TMEM74: variants seen among roughly 807,000 people sequenced by gnomAD.
The protein encoded by TMEM74 is transmembrane protein 74.
Under a neutral mutation model 18.1 loss-of-function variants are expected in TMEM74, and 13 were observed. The ratio of observed to expected loss-of-function variants is 0.72; its 90% confidence interval spans 0.47 to 1.14. The LOEUF (loss-of-function observed/expected upper bound fraction) is 1.14, where lower values mean the gene tolerates loss of function less well. TMEM74 is among the 50% of genes most tolerant of loss of function. TMEM74 has a pLI of 0.00. For missense variants in TMEM74, 372 were observed against 375.9 expected, an observed-to-expected ratio of 0.99 and a Z score of 0.09; for synonymous variants, 159 against 146.6, an observed-to-expected ratio of 1.08 and a Z score of -0.61.
At chr8:108,645,771 A>G (rs1017664435) in intron 2 of TMEM74, among the ~76,000 whole-genome samples, 1 of 152,126 alleles carries the variant, frequency 6.6e-6, no homozygotes, top group East Asian at 1.9e-4. Context: ...ACATTCAGAC[A>G]TTCTAAGAGA....
At chr8:108,636,517 T>C (rs1812607748) in intron 2 of TMEM74, among the ~76,000 whole-genome samples, 1 of 152,090 alleles carries the variant, frequency 6.6e-6, no homozygotes. Context: ...TCAGCTTTAA[T>C]TCAACTCTCC....
In TMEM74 at chr8:108,677,862, A is replaced by G. The variant is rs560492687; in HGVS notation, n.120-22425T>C. 5.9e-5 allele frequency among the ~76,000 whole-genome samples: 9 copies of G among 152,282 alleles called. No homozygotes were observed. In the South Asian group the frequency reaches 1.9e-3, roughly 32 times the overall value. Reference sequence around the variant, plus strand: ...CTAGGTCCTTTTAAATAAGACTTGCATATAAGGAAACATTCTTGTAGATGA... The same window carrying G: ...CTAGGTCCTTTTAAATAAGACTTGCGTATAAGGAAACATTCTTGTAGATGA... On this transcript the variant is annotated intron_variant and non_coding_transcript_variant, in intron 1 of 3. Coordinates refer to the TMEM74 transcript ENST00000518838.
intron 2 of TMEM74, among the ~76,000 whole-genome samples, chr8:108,613,273 T>A (rs1352903653): frequency 6.6e-6 from 1 of 152,178 alleles, no homozygotes; most frequent in Admixed American, 6.5e-5. Flanking sequence ...TGCTACTGAC[T>A]TGGACCATAT....
At position 108,784,735 on chromosome 8, in the gene TMEM74, G is replaced by T. The variant is rs1171215688; in HGVS notation, c.364C>A (p.Gln122Lys). The change falls in exon 2 of 2, where the codon CAG becomes AAG. Residue 122 changes from glutamine to lysine, a missense_variant. Gln to Lys is a moderately conservative substitution (Grantham distance 53, BLOSUM62 1). Transcript: ENST00000297459. ...GCTGATGGCGAGCTCCGGTTCCGCT[G>T]CTCCAAGTTGATGTTTTTGTCCACA... ...TYVDKNINLE[Q>K]RNRSSPSAKG... 6.2e-7 allele frequency: 1 copy of T among 1,614,190 alleles called. No homozygotes were observed. Among genetic ancestry groups the T allele is most frequent in the Non-Finnish European group, 8.5e-7 (1 of 1,180,032 alleles).
chr8:108,717,701 T>C (rs1472917422), intron 1 of TMEM74, among the ~76,000 whole-genome samples: 4 of 151,850 alleles, frequency 2.6e-5, no homozygotes, highest in East Asian at 3.9e-4. Flanking sequence ...AATGGTCATG[T>C]GGGGATTTGG....
At chr8:108,732,899 A>C (rs1272758952) in intron 1 of TMEM74, among the ~76,000 whole-genome samples, 1 of 152,024 alleles carries the variant, frequency 6.6e-6, no homozygotes, top group African/African-American at 2.4e-5. Context: ...ATACTTCACA[A>C]AATATGATAT....
chr8:108,693,433 T>G (rs1813250081), intron 1 of TMEM74, among the ~76,000 whole-genome samples: 1 of 152,178 alleles, frequency 6.6e-6, no homozygotes, highest in South Asian at 2.1e-4. Flanking sequence ...CAAGGATAAT[T>G]GGAGGCAAGA....
At chr8:108,629,586 A>G (rs544785780) in intron 2 of TMEM74, among the ~76,000 whole-genome samples, 1 of 152,232 alleles carries the variant, frequency 6.6e-6, no homozygotes, top group South Asian at 2.1e-4. Flanking sequence ...GCCAGCGAGA[A>G]AGGTCAGGTT....
chr8:108,712,722 CGT>C (rs148041256), intron 1 of TMEM74, among the ~76,000 whole-genome samples: 5 of 151,202 alleles, frequency 3.3e-5, no homozygotes, highest in South Asian at 2.1e-4. Context: ...TATGTGTGTG[CGT>C]GTGTGTGTGT....
At chr8:108,690,746 G>A (rs545223713) in intron 1 of TMEM74, among the ~76,000 whole-genome samples, 4 of 152,168 alleles carry the variant, frequency 2.6e-5, no homozygotes, top group South Asian at 2.1e-4. Flanking sequence ...GGCTGAACCC[G>A]GGAGGCGGAG....
chr8:108,639,761 G>GAT (rs1812644508), intron 2 of TMEM74, among the ~76,000 whole-genome samples: 2 of 152,008 alleles, frequency 1.3e-5, no homozygotes, highest in Admixed American at 6.6e-5. Context: ...GACTCATTTT[G>GAT]GTCCCTACGT....
chr8:108,732,134 T>A (rs1253484071), intron 1 of TMEM74, among the ~76,000 whole-genome samples: 1 of 152,080 alleles, frequency 6.6e-6, no homozygotes, highest in African/African-American at 2.4e-5. Context: ...AGTTGGAAAT[T>A]AAAAGTTTAA....
At chr8:108,660,736 A>G (rs749227303) in intron 1 of TMEM74, among the ~76,000 whole-genome samples, 2 of 152,086 alleles carry the variant, frequency 1.3e-5, no homozygotes, top group African/African-American at 2.4e-5. Context: ...TTTTTGTTAT[A>G]CTTCATTGTG....
chr8:108,787,250 G>T (rs372725919), intron 1 of TMEM74, among the ~76,000 whole-genome samples: 4 of 152,152 alleles, frequency 2.6e-5, no homozygotes, highest in Non-Finnish European at 4.4e-5. Flanking sequence ...CCGGGAGAGC[G>T]AGCCCCAAGC....
At chr8:108,693,585 C>T (rs535750959) in intron 1 of TMEM74, among the ~76,000 whole-genome samples, 1 of 152,334 alleles carries the variant, frequency 6.6e-6, no homozygotes, top group Admixed American at 6.5e-5. Flanking sequence ...AGAAATTCTA[C>T]TGACATCTAA....
At chr8:108,680,274 A>G (rs1172332765) in intron 1 of TMEM74, among the ~76,000 whole-genome samples, 2 of 152,218 alleles carry the variant, frequency 1.3e-5, no homozygotes, top group Non-Finnish European at 2.9e-5. Context: ...TCAATAAAAT[A>G]CTGGCAAACC....
At chr8:108,719,968 A>C (rs922088227) in intron 1 of TMEM74, among the ~76,000 whole-genome samples, 2 of 152,208 alleles carry the variant, frequency 1.3e-5, no homozygotes, top group Non-Finnish European at 2.9e-5. Context: ...TCATGTGCAC[A>C]AATTACTACT....
At chr8:108,758,766 T>A (rs554087294) in intron 1 of TMEM74, among the ~76,000 whole-genome samples, 11 of 152,178 alleles carry the variant, frequency 7.2e-5, no homozygotes, top group Non-Finnish European at 7.4e-5. Flanking sequence ...TTTTAAAAAA[T>A]GTATAAAACA....
intron 1 of TMEM74, among the ~76,000 whole-genome samples, chr8:108,772,515 A>G (rs1814184239): frequency 6.6e-6 from 1 of 152,210 alleles, no homozygotes; most frequent in Admixed American, 6.5e-5. Context: ...AAGGCAGCCT[A>G]TACTGAGCAA....
Sources: gnomAD v4.1 joint callset for allele counts (sites outside exome capture counted in the v4.1 genomes callset) on GRCh38, gnomAD v4.1.1 for gene constraint, MANE v1.5 for transcripts, NCBI Gene and HGNC (gene_info 2026-07-23, HGNC 2026-07-21) for gene names.